Variants in CXADR observed in about 807,000 individuals in gnomAD.
The protein encoded by CXADR is coxsackievirus and adenovirus receptor.
Under a neutral mutation model 40.3 loss-of-function variants are expected in CXADR, and 20 were observed. The ratio of observed to expected loss-of-function variants is 0.50; its 90% CI spans 0.35 to 0.72. The LOEUF is 0.72. Ranked by LOEUF, CXADR falls within the 30% of genes least tolerant of loss-of-function variation. CXADR has a pLI of 0.01. For synonymous variants in CXADR, 150 were observed against 161.3 expected (o/e 0.93, Z 0.53); for missense variants, 332 against 449.1 (o/e 0.74, Z 2.36).
the CXADR span, among the ~76,000 whole-genome samples, chr21:17,635,158 T>G: frequency 3.9e-5 from 6 of 152,296 alleles, no homozygotes; most frequent in South Asian, 4.1e-4. Flanking sequence ...ATAACCTCCT[T>G]TTGAAAATAT....
the CXADR span, among the ~76,000 whole-genome samples, chr21:17,608,429 G>C: frequency 2.0e-5 from 3 of 151,692 alleles, no homozygotes; most frequent in African/African-American, 7.3e-5. Context: ...ACTAGTCGTG[G>C]ATCACAGGTG....
intron 1 of CXADR, among the ~76,000 whole-genome samples, chr21:17,543,472 A>C (rs2060855396): frequency 6.6e-6 from 1 of 152,178 alleles, no homozygotes; most frequent in Non-Finnish European, 1.5e-5. Flanking sequence ...CAAAATGAAA[A>C]CTCTAAAAAC....
intron 5 of CXADR, among the ~76,000 whole-genome samples, 169 bp downstream of exon 5, chr21:17,560,993 C>T (rs1234202737): frequency 6.6e-6 from 1 of 152,136 alleles, no homozygotes; most frequent in African/African-American, 2.4e-5. Flanking sequence ...AAAAAAACTT[C>T]ATAATTGCAA....
At chr21:17,588,137 G>C (rs377643640) in intron 7 of CXADR, among the ~76,000 whole-genome samples, 10 of 152,050 alleles carry the variant, frequency 6.6e-5, no homozygotes, top group South Asian at 2.1e-4. Flanking sequence ...GTTACTGTAG[G>C]CTTGTAGTGT....
rs7279834 is a variant in CXADR, at chr21:17,568,406, G to A, written c.*2714G>A. 7.9e-3 allele frequency: 7,736 copies of A among 983,226 alleles called. 466 individuals are homozygous for A. The African/African-American group carries it at 0.13, about 16-fold the overall frequency. 60.9% of individuals were successfully genotyped at this position (983,226 alleles called of 1,614,324 possible). ...GCCTCCCAAAGTGCTGGGATTACAG[G>A]CGTGAACCACTGCACCCGGCCCAGT... On this transcript the variant is annotated 3_prime_UTR_variant, in exon 7 of 7. Coordinates refer to ENST00000284878, the MANE Select transcript of CXADR (RefSeq NM_001338.5).
downstream of CXADR, among the ~76,000 whole-genome samples, chr21:17,573,211 C>T (rs986221239): frequency 1.3e-5 from 2 of 152,078 alleles, no homozygotes; most frequent in Admixed American, 1.3e-4. Flanking sequence ...GGACACCAGT[C>T]ACTGAATTAG....
chr21:17,519,730 A>G (rs1053085003), intron 1 of CXADR, among the ~76,000 whole-genome samples: 2 of 152,232 alleles, frequency 1.3e-5, no homozygotes. Flanking sequence ...TCTCCCAAGT[A>G]TTGGTAGTGA....
chr21:17,593,219 T>G (rs775711845), exon 8 of CXADR: 1 of 1,400,564 alleles, frequency 7.1e-7, no homozygotes, highest in Non-Finnish European at 9.4e-7. Flanking sequence ...GAATCTGAAG[T>G]ATTGTATTAT....
At chr21:17,544,508 G>T (rs1032716898) in intron 1 of CXADR, among the ~76,000 whole-genome samples, 1 of 152,132 alleles carries the variant, frequency 6.6e-6, no homozygotes, top group African/African-American at 2.4e-5. Context: ...AAAATTATGG[G>T]CTCAACAGTG....
intron 1 of CXADR, chr21:17,518,598 T>C: frequency 7.2e-7 from 1 of 1,396,448 alleles, no homozygotes; most frequent in South Asian, 1.2e-5. Context: ...CATCAGTGTC[T>C]TCTGGTTTTG....
At chr21:17,624,133 C>T in the CXADR span, among the ~76,000 whole-genome samples, 2 of 152,132 alleles carry the variant, frequency 1.3e-5, no homozygotes, top group Non-Finnish European at 1.5e-5. Context: ...CTAAGCCCCA[C>T]AGTAGCTGAC....
intron 1 of CXADR, among the ~76,000 whole-genome samples, chr21:17,541,396 C>CA (rs796396260): frequency 0.017 from 2,463 of 145,988 alleles, 73 homozygotes; most frequent in African/African-American, 0.056. Context: ...ACTAAAAATA[C>CA]AAAAAAAAAA....
intron 1 of CXADR, among the ~76,000 whole-genome samples, chr21:17,533,379 G>T (rs1206619788): frequency 3.3e-5 from 5 of 152,146 alleles, no homozygotes; most frequent in African/African-American, 1.2e-4. Context: ...ATGGTGATTG[G>T]AATAGGATTT....
chr21:17,574,626 T>C (rs1256671882), downstream of CXADR, among the ~76,000 whole-genome samples: 2 of 152,024 alleles, frequency 1.3e-5, no homozygotes, highest in East Asian at 3.9e-4. Context: ...AATTCAGAAA[T>C]GGAGAGAAAA....
At chr21:17,564,052 A>T (rs2061166506) in intron 6 of CXADR, among the ~76,000 whole-genome samples, 3 of 151,892 alleles carry the variant, frequency 2.0e-5, no homozygotes, top group Admixed American at 1.3e-4. Context: ...GTAAGTATCT[A>T]TGAAGTGTAA....
chr21:17,593,166 C>CAAG, exon 8 of CXADR: 4 of 1,454,970 alleles, frequency 2.7e-6, no homozygotes, highest in Non-Finnish European at 3.7e-6. Flanking sequence ...AGTACCCTTA[C>CAAG]AAGACTGATG....
chr21:17,521,602 C>G (rs974061138), intron 1 of CXADR, among the ~76,000 whole-genome samples: 1 of 152,126 alleles, frequency 6.6e-6, no homozygotes, highest in African/African-American at 2.4e-5. Context: ...GGATTATAGG[C>G]GTGAGCCACC....
chr21:17,607,990 C>T, the CXADR span, among the ~76,000 whole-genome samples: 1 of 152,184 alleles, frequency 6.6e-6, no homozygotes, highest in Non-Finnish European at 1.5e-5. Context: ...GAATTACCTT[C>T]GTTCTCAGTG....
At chr21:17,608,872 G>T in the CXADR span, 47 of 1,165,920 alleles carry the variant, frequency 4.0e-5, no homozygotes, top group Non-Finnish European at 4.9e-5. Flanking sequence ...TTTTGCAGAT[G>T]AAACACCTGT....
Sources: allele counts gnomAD v4.1 joint callset (sites outside exome capture counted in the v4.1 genomes callset), GRCh38; gene constraint gnomAD v4.1.1; transcripts MANE v1.5; gene names NCBI Gene and HGNC (gene_info 2026-07-23, HGNC 2026-07-21).